The following SRFBP1 variants were observed in gnomAD, a reference collection of about 807,000 sequenced individuals.
SRFBP1 encodes serum response factor-binding protein 1.
Under a neutral mutation model 45.5 loss-of-function variants are expected in SRFBP1, and 47 were observed. The ratio of observed to expected loss-of-function variants is 1.03; its 90% CI spans 0.82 to 1.32. The LOEUF (loss-of-function observed/expected upper bound fraction) is 1.32, where lower values mean the gene tolerates loss of function less well. Among genes scored for constraint, SRFBP1 ranks in the 40% most tolerant of loss-of-function variants. SRFBP1 has a pLI of 0.00. For missense variants in SRFBP1, 621 were observed against 484.6 expected, an observed-to-expected ratio of 1.28 and a Z score of -2.64; for synonymous variants, 203 against 166.3, an observed-to-expected ratio of 1.22 and a Z score of -1.70.
chr5:122,046,993 G>T (rs1753873825), intron 2 of SRFBP1, among the ~76,000 whole-genome samples: 1 of 152,112 alleles, frequency 6.6e-6, no homozygotes, highest in Non-Finnish European at 1.5e-5. Flanking sequence ...CCATTCTGTA[G>T]GTTGCCTGTT....
At chr5:121,978,087 C>T (rs1242325009) in intron 3 of SRFBP1, among the ~76,000 whole-genome samples, 1 of 152,130 alleles carries the variant, frequency 6.6e-6, no homozygotes, top group African/African-American at 2.4e-5. Context: ...ACTGAAATTA[C>T]TCAAAATGTG....
intron 1 of SRFBP1, among the ~76,000 whole-genome samples, chr5:121,973,051 G>C (rs1299939794): frequency 6.6e-6 from 1 of 151,792 alleles, no homozygotes; most frequent in Non-Finnish European, 1.5e-5. Context: ...TTAAATGGAA[G>C]AGCCTTAAAG....
At chr5:122,000,964 G>A (rs1752853264) in intron 4 of SRFBP1, among the ~76,000 whole-genome samples, 1 of 151,990 alleles carries the variant, frequency 6.6e-6, no homozygotes, top group Non-Finnish European at 1.5e-5. Flanking sequence ...GCCTTCAGGG[G>A]ACTTGAATAG....
At chr5:121,996,961 T>C (rs1340813316) in intron 4 of SRFBP1, among the ~76,000 whole-genome samples, 2 of 136,742 alleles carry the variant, frequency 1.5e-5, no homozygotes, top group Non-Finnish European at 1.5e-5. Flanking sequence ...TTACAAGGGA[T>C]GTGAAGGACC....
chr5:121,966,511 A>G (rs1032713863), intron 1 of SRFBP1, among the ~76,000 whole-genome samples: 1 of 152,200 alleles, frequency 6.6e-6, no homozygotes, highest in Non-Finnish European at 1.5e-5. Flanking sequence ...GAGAGGGAAA[A>G]TCTCCTAAAT....
intron 4 of SRFBP1, among the ~76,000 whole-genome samples, chr5:121,996,885 G>C (rs1265031362): frequency 2.0e-5 from 3 of 148,256 alleles, no homozygotes; most frequent in Admixed American, 2.0e-4. Context: ...CAACCAGAGA[G>C]CCAAATCATG....
chr5:122,077,783 C>T, downstream of SRFBP1: 1 of 1,548,824 alleles, frequency 6.5e-7, no homozygotes, highest in East Asian at 2.4e-5. This position sits in a 1 kb window ranked among gnomAD's most constrained non-coding sequence, Gnocchi z 4.9. Flanking sequence ...GTCCCGGCGG[C>T]GCTGAGGCTG....
chr5:121,965,239 G>T (rs573853193), intron 1 of SRFBP1, among the ~76,000 whole-genome samples: 1 of 152,230 alleles, frequency 6.6e-6, no homozygotes, highest in East Asian at 1.9e-4. Context: ...ATTGCTTTTG[G>T]TGTTTTAGTC....
At chr5:121,968,486 C>T (rs1752120484) in intron 1 of SRFBP1, among the ~76,000 whole-genome samples, 1 of 152,076 alleles carries the variant, frequency 6.6e-6, no homozygotes, top group Non-Finnish European at 1.5e-5. Flanking sequence ...ATTTTATTCA[C>T]CAAATGTTAC....
chr5:122,032,473 T>C (rs1203031939), downstream of SRFBP1, among the ~76,000 whole-genome samples: 2 of 145,576 alleles, frequency 1.4e-5, no homozygotes, highest in East Asian at 2.2e-4. Context: ...GATGAACAAA[T>C]ATATGTCTAT....
chr5:122,029,879 T>C (rs1425364738), downstream of SRFBP1, among the ~76,000 whole-genome samples: 2 of 152,232 alleles, frequency 1.3e-5, no homozygotes, highest in African/African-American at 4.8e-5. Flanking sequence ...CTACTTAATT[T>C]GGCTAGTGGG....
Position 121,998,464 on chromosome 5 carries a change from A to G in SRFBP1, c.270+3794A>G, listed in dbSNP as rs534559730. ...CTCACTCATAGGTGGGAATTGAACA[A>G]TGAGATCACATGGACACAGGAAGGG... On this transcript the variant is annotated intron_variant, in intron 4 of 7. Transcript: ENST00000339397. Among the ~76,000 whole-genome samples, 264 of 136,680 alleles carry G rather than the reference A, an allele frequency of 1.9e-3. 3 individuals are homozygous for G. The highest frequency in any genetic ancestry group is 3.3e-3 in the Non-Finnish European group (213 of 64,790). The allele number at this position is 136,680 out of a possible 152,430, so 89.7% of individuals were successfully genotyped here.
In SRFBP1 at chr5:121,984,317, A is replaced by G. The variant is rs561427545; in HGVS notation, c.198+8930A>G. On this transcript the variant is annotated intron_variant, in intron 3 of 7. Coordinates refer to ENST00000339397, the MANE Select transcript of SRFBP1 (RefSeq NM_152546.3). The stretch of plus-strand genomic sequence containing the variant: ...GCACTAAACAGAAATTACCCCACTT[A>G]CTTAAAATTACCCTGCTTACTTCAT... Among the ~76,000 whole-genome samples the G allele has an allele frequency of 9.9e-5, 15 of 151,896 alleles. No individual in the cohort carries two copies. In the South Asian group the frequency reaches 3.1e-3, roughly 31 times the overall value.
intron 2 of SRFBP1, among the ~76,000 whole-genome samples, chr5:122,037,022 C>T (rs985369499): frequency 2.0e-5 from 3 of 151,970 alleles, no homozygotes; most frequent in African/African-American, 7.3e-5. Context: ...CCTCAAGCTC[C>T]CGAGTAGCTG....
intron 1 of SRFBP1, among the ~76,000 whole-genome samples, chr5:121,973,450 C>T (rs1046690554): frequency 2.0e-5 from 3 of 151,742 alleles, no homozygotes; most frequent in African/African-American, 2.4e-5. Flanking sequence ...ATATAAACTC[C>T]GTAATTACAT....
chr5:122,062,421 A>G (rs1181457437), intron 2 of SRFBP1, among the ~76,000 whole-genome samples: 1 of 103,000 alleles, frequency 9.7e-6, no homozygotes, highest in Non-Finnish European at 2.2e-5. Flanking sequence ...AAGGCAGACA[A>G]GTTTTCAGAC....
chr5:122,043,892 G>A (rs560636129), intron 2 of SRFBP1, among the ~76,000 whole-genome samples: 13 of 152,106 alleles, frequency 8.5e-5, no homozygotes, highest in Admixed American at 2.0e-4. Flanking sequence ...TGGATGTGCA[G>A]GTTTGTTATA....
chr5:121,995,702 C>A (rs1440985745), intron 4 of SRFBP1, among the ~76,000 whole-genome samples: 3 of 151,894 alleles, frequency 2.0e-5, no homozygotes, highest in Admixed American at 6.6e-5. Context: ...AAAAACCCTT[C>A]AAAAAATCAG....
chr5:122,005,353 G>T (rs1251334233), intron 4 of SRFBP1, among the ~76,000 whole-genome samples: 1 of 152,064 alleles, frequency 6.6e-6, no homozygotes, highest in Non-Finnish European at 1.5e-5. Context: ...ATATTTACAA[G>T]TGTTATATCC....
Sources: allele counts gnomAD v4.1 joint callset (sites outside exome capture counted in the v4.1 genomes callset), GRCh38; gene constraint gnomAD v4.1.1; non-coding constraint Gnocchi (gnomAD v3.1); transcripts MANE v1.5; gene names NCBI Gene and HGNC (gene_info 2026-07-23, HGNC 2026-07-21).